RABGEF1: variants seen among roughly 807,000 people sequenced by gnomAD.
RABGEF1 encodes rab5 GDP/GTP exchange factor.
RABGEF1 carries 26 observed loss-of-function variants against 57.3 expected under a neutral mutation model. The observed-to-expected ratio is 0.45, with a 90% CI of 0.33 to 0.63. The LOEUF (loss-of-function observed/expected upper bound fraction) is 0.63. RABGEF1 is among the 20% of genes least tolerant of loss of function. The pLI is 0.02. For synonymous variants in RABGEF1, 185 were observed against 210.7 expected, an observed-to-expected ratio of 0.88 and a Z score of 1.06; for missense variants, 464 against 607.6, an observed-to-expected ratio of 0.76 and a Z score of 2.48.
the RABGEF1 span, chr7:66,669,006 C>G: frequency 6.6e-6 from 1 of 152,284 alleles, no homozygotes; most frequent in African/African-American, 2.4e-5. Flanking sequence ...TAGACCTTTG[C>G]TGCCTAGAAG....
At chr7:66,674,966 T>C in the RABGEF1 span, among the ~76,000 whole-genome samples, 1 of 151,796 alleles carries the variant, frequency 6.6e-6, no homozygotes, top group African/African-American at 2.4e-5. Flanking sequence ...TATATATATA[T>C]ATAAAGGGCT....
At chr7:66,760,399 TCC>T (rs1803988067) in intron 1 of RABGEF1, among the ~76,000 whole-genome samples, 1 of 152,106 alleles carries the variant, frequency 6.6e-6, no homozygotes, top group Non-Finnish European at 1.5e-5. Context: ...TATTTAACCA[TCC>T]CATAGATGTT....
chr7:66,757,343 T>G (rs1284513044), intron 1 of RABGEF1, among the ~76,000 whole-genome samples: 3 of 152,250 alleles, frequency 2.0e-5, no homozygotes, highest in Non-Finnish European at 4.4e-5. Flanking sequence ...TTCACATAAA[T>G]GTGAATTCTT....
At chr7:66,743,647 G>C (rs868356279) in intron 1 of RABGEF1, among the ~76,000 whole-genome samples, 4 of 152,206 alleles carry the variant, frequency 2.6e-5, no homozygotes, top group African/African-American at 7.2e-5. Context: ...GACTACAGAT[G>C]CCCGCCACCA....
chr7:66,758,084 C>A (rs62466848), intron 1 of RABGEF1, among the ~76,000 whole-genome samples: 6,005 of 152,154 alleles, frequency 0.039, 167 homozygotes, highest in East Asian at 0.085. Context: ...TTGGATGTTT[C>A]CTGTAAGTCC....
intron 1 of RABGEF1, among the ~76,000 whole-genome samples, chr7:66,751,967 T>C (rs989046607): frequency 2.6e-5 from 4 of 151,548 alleles, no homozygotes; most frequent in Admixed American, 1.3e-4. Context: ...GAAGCCAAGG[T>C]GGGAGGCTCA....
At chr7:66,751,987 A>G (rs1238258169) in intron 1 of RABGEF1, among the ~76,000 whole-genome samples, 1 of 151,862 alleles carries the variant, frequency 6.6e-6, no homozygotes, top group African/African-American at 2.4e-5. Context: ...ACTTGAGCCC[A>G]GGACTTCAAG....
chr7:66,762,947 C>T (rs956102822), intron 1 of RABGEF1, among the ~76,000 whole-genome samples: 15 of 152,208 alleles, frequency 9.9e-5, no homozygotes, highest in African/African-American at 3.6e-4. Context: ...TGCAAAGGCT[C>T]TCCCAACAAA....
At chr7:66,672,493 C>G in the RABGEF1 span, among the ~76,000 whole-genome samples, 5 of 152,174 alleles carry the variant, frequency 3.3e-5, no homozygotes, top group African/African-American at 1.2e-4. Flanking sequence ...GACAGTCTTA[C>G]ATGTAAACAA....
intron 1 of RABGEF1, among the ~76,000 whole-genome samples, chr7:66,708,574 C>A (rs1794406109): frequency 6.6e-6 from 1 of 152,152 alleles, no homozygotes; most frequent in Admixed American, 6.5e-5. Context: ...CAGGCGTGAG[C>A]CACCGCCCCT....
chr7:66,735,742 C>T (rs185493436), upstream of RABGEF1, among the ~76,000 whole-genome samples: 22 of 152,272 alleles, frequency 1.4e-4, no homozygotes, highest in African/African-American at 5.1e-4. Context: ...TTCCTTCATC[C>T]TTCTGCCATG....
At chr7:66,801,963 A>T (rs1244043177) in intron 7 of RABGEF1, among the ~76,000 whole-genome samples, 1 of 152,182 alleles carries the variant, frequency 6.6e-6, no homozygotes, top group Non-Finnish European at 1.5e-5. Flanking sequence ...GCTGGAGTGC[A>T]AGTGGCAACG....
At chr7:66,690,043 A>G (rs979379484) in intron 1 of RABGEF1, among the ~76,000 whole-genome samples, 2 of 152,098 alleles carry the variant, frequency 1.3e-5, no homozygotes, top group Admixed American at 1.3e-4. Context: ...AGAGCCAGAC[A>G]AAGGCACTAC....
At chr7:66,779,735 G>C in intron 3 of RABGEF1, among the ~76,000 whole-genome samples, 1 of 151,150 alleles carries the variant, frequency 6.6e-6, no homozygotes, top group Non-Finnish European at 1.5e-5. Context: ...AGCACTTGCT[G>C]TTTGAGCCCT....
the RABGEF1 span, among the ~76,000 whole-genome samples, chr7:66,673,325 A>G: frequency 6.6e-6 from 1 of 151,930 alleles, no homozygotes; most frequent in African/African-American, 2.4e-5. Context: ...CTTGGGCCTC[A>G]ATCTGGGGTC....
the RABGEF1 span, among the ~76,000 whole-genome samples, chr7:66,661,110 C>T: frequency 6.6e-6 from 1 of 151,736 alleles, no homozygotes; most frequent in African/African-American, 2.4e-5. Flanking sequence ...GAGATCGAGA[C>T]CACAGTGAAA....
chr7:66,735,721 C>T (rs889973681), intron 2 of RABGEF1, among the ~76,000 whole-genome samples: 4 of 152,142 alleles, frequency 2.6e-5, no homozygotes, highest in African/African-American at 9.7e-5. Context: ...CATGTGAAGA[C>T]GTGCCTGCTT....
At chr7:66,701,326 T>G (rs1330251725) in intron 1 of RABGEF1, among the ~76,000 whole-genome samples, 1 of 151,922 alleles carries the variant, frequency 6.6e-6, no homozygotes, top group Non-Finnish European at 1.5e-5. Context: ...TAGCGAGACC[T>G]CCACCTCTGC....
intron 4 of RABGEF1, among the ~76,000 whole-genome samples, chr7:66,784,825 C>T (rs1327687447): frequency 6.6e-6 from 1 of 151,276 alleles, no homozygotes; most frequent in Non-Finnish European, 1.5e-5. Context: ...TAGAGTAAAA[C>T]ATTTAGAGTC....
Sources: allele counts gnomAD v4.1 joint callset (sites outside exome capture counted in the v4.1 genomes callset), GRCh38; gene constraint gnomAD v4.1.1; transcripts MANE v1.5; gene names NCBI Gene and HGNC (gene_info 2026-07-23, HGNC 2026-07-21).